The following G3BP2 variants were observed in gnomAD, a reference collection of about 807,000 sequenced individuals.
G3BP2 encodes the protein ras GTPase-activating protein-binding protein 2.
Under a neutral mutation model 56.7 loss-of-function variants are expected in G3BP2, and 11 were observed. The ratio of observed to expected loss-of-function variants is 0.19; its 90% CI spans 0.12 to 0.32. The LOEUF (loss-of-function observed/expected upper bound fraction) is 0.32. G3BP2 is among the 10% of genes least tolerant of loss of function. G3BP2 has a pLI of 1.00. For missense variants in G3BP2, 340 were observed against 610.9 expected, an observed-to-expected ratio of 0.56 and a Z score of 4.67; for synonymous variants, 165 against 191.6, an observed-to-expected ratio of 0.86 and a Z score of 1.15.
intron 1 of G3BP2, chr4:75,662,371 C>T (rs560889820): frequency 1.5e-3 from 258 of 173,602 alleles, no homozygotes; most frequent in Non-Finnish European, 6.1e-4. Flanking sequence ...TACAGGCATA[C>T]GCCACCACAC....
intron 3 of G3BP2, among the ~76,000 whole-genome samples, chr4:75,709,423 A>G (rs796508621): frequency 2.0e-5 from 3 of 146,946 alleles, no homozygotes; most frequent in African/African-American, 5.3e-5. Context: ...CCGTCTCAAA[A>G]AAAAAAAAAA....
At chr4:75,652,612 C>A (rs962474809) in intron 8 of G3BP2, among the ~76,000 whole-genome samples, 6 of 151,960 alleles carry the variant, frequency 3.9e-5, no homozygotes, top group African/African-American at 1.5e-4. Flanking sequence ...CCAGCCTGGG[C>A]GACAGAGCGA....
In G3BP2 at chr4:75,655,862, C is replaced by T. The variant is rs761910810; in HGVS notation, c.451G>A (p.Asp151Asn). 1.2e-5 allele frequency: 18 copies of T among 1,525,952 alleles called. No individual in the cohort carries two copies. The highest frequency in any genetic ancestry group is 6.7e-5 in the South Asian group (6 of 89,224). 94.5% of individuals were successfully genotyped at this position (1,525,952 alleles called of 1,614,324 possible). Reference protein sequence around the residue: ...SEPELDEESEDEVEEEQEERQ... With the variant: ...SEPELDEESENEVEEEQEERQ... ...TCTTCTTGTTCCTCTTCTACTTCATCTTCTGATTCTGAAAATACATAATAC... is the reference window on the plus strand; with the variant it reads ...TCTTCTTGTTCCTCTTCTACTTCATTTTCTGATTCTGAAAATACATAATAC... Residue 151 changes from aspartate to asparagine, a missense_variant, in exon 6 of 12, where the codon GAT becomes AAT. Coordinates refer to ENST00000359707, the MANE Select transcript of G3BP2 (RefSeq NM_203505.3).
At chr4:75,703,079 T>C (rs4859548) in intron 3 of G3BP2, among the ~76,000 whole-genome samples, 133,326 of 152,228 alleles carry the variant, frequency 0.88, 58,406 homozygotes, top group East Asian at 0.91. Context: ...ACTCAGTAAA[T>C]GCTTACTGAA....
In G3BP2 at chr4:75,720,890, A is replaced by G. The variant is rs934048520; in HGVS notation, c.-38T>C. Among the ~76,000 whole-genome samples, 4 of 141,252 alleles carry G rather than the reference A, an allele frequency of 2.8e-5. No homozygotes were observed. In the South Asian group the frequency reaches 6.9e-4, roughly 25 times the overall value. 92.7% of individuals were successfully genotyped at this position (141,252 alleles called of 152,430 possible). A position where few individuals can be genotyped will look rare whatever the true frequency, so the allele number is the denominator to read the frequency against. The stretch of plus-strand genomic sequence containing the variant: ...GTTGGCTCACACCTGCAATCCCAGT[A>G]TTTTGGGAGGCTGAGGCAGGAGAAT... On this transcript the variant is annotated 5_prime_UTR_variant, in exon 3 of 4. Coordinates refer to the G3BP2 transcript ENST00000499709.
intron 3 of G3BP2, among the ~76,000 whole-genome samples, chr4:75,702,171 A>ATTTTTTTTTTTTTTTT: frequency 9.3e-6 from 1 of 107,480 alleles, no homozygotes; most frequent in Non-Finnish European, 1.8e-5. Context: ...AAACCCCCCA[A>ATTTTTTTTTTTTTTTT]TTTTTTTTTT....
chr4:75,709,022 A>G (rs1451013181), intron 3 of G3BP2, among the ~76,000 whole-genome samples: 1 of 152,136 alleles, frequency 6.6e-6, no homozygotes, highest in East Asian at 1.9e-4. Flanking sequence ...AGGTGGGAGA[A>G]TAACCTGAGT....
intron 3 of G3BP2, among the ~76,000 whole-genome samples, chr4:75,720,022 CTT>C (rs67468716): frequency 2.1e-5 from 2 of 97,314 alleles, no homozygotes; most frequent in Non-Finnish European, 1.9e-5. Flanking sequence ...GCCCAGAACC[CTT>C]TTTTTTTTTT....
intron 3 of G3BP2, among the ~76,000 whole-genome samples, chr4:75,682,704 G>A (rs1227643740): frequency 6.6e-6 from 1 of 151,786 alleles, no homozygotes; most frequent in Non-Finnish European, 1.5e-5. Flanking sequence ...CAGCTGGGCT[G>A]GGCACGGTTG....
upstream of G3BP2, among the ~76,000 whole-genome samples, chr4:75,675,309 G>A (rs1733830998): frequency 6.6e-6 from 1 of 152,136 alleles, no homozygotes; most frequent in Non-Finnish European, 1.5e-5. Context: ...TCCTGCAGAG[G>A]TGCAGAACTT....
chr4:75,649,247 A>AG (rs1419045141), intron 8 of G3BP2: 1 of 152,466 alleles, frequency 6.6e-6, no homozygotes, highest in Non-Finnish European at 1.5e-5. Context: ...TATAGTTCAA[A>AG]GTATAAAAAT....
intron 3 of G3BP2, among the ~76,000 whole-genome samples, chr4:75,682,213 G>GA (rs1197817950): frequency 6.6e-6 from 1 of 152,026 alleles, no homozygotes. Context: ...TCAAGAGCTC[G>GA]AGACTATCCT....
intron 2 of G3BP2, among the ~76,000 whole-genome samples, chr4:75,659,492 A>C (rs1214134364): frequency 6.6e-6 from 1 of 152,224 alleles, no homozygotes; most frequent in Non-Finnish European, 1.5e-5. Context: ...ACTGTTCTTA[A>C]GTATGTGTAA....
chr4:75,711,322 GA>G (rs60433756), intron 3 of G3BP2, among the ~76,000 whole-genome samples: 2,011 of 107,370 alleles, frequency 0.019, 30 homozygotes, highest in East Asian at 0.056. Context: ...CCATCTCAAA[GA>G]AAAAAAAAAA....
upstream of G3BP2, among the ~76,000 whole-genome samples, chr4:75,674,471 CAAT>C (rs1357883014): frequency 1.3e-5 from 2 of 151,944 alleles, no homozygotes; most frequent in East Asian, 3.9e-4. Context: ...CCAAAGTCTA[CAAT>C]ATCTTTACCT....
At chr4:75,657,479 C>G (rs1194914885) in intron 4 of G3BP2, 78 bp downstream of exon 4, 1 of 1,039,752 alleles carries the variant, frequency 9.6e-7, no homozygotes, top group Non-Finnish European at 1.4e-6. Flanking sequence ...CAAATCTAAA[C>G]CTATTAGAAG....
rs1560615211 is a variant in G3BP2, at chr4:75,655,230, G to T, written c.562C>A (p.Pro188Thr). Residue 188 changes from proline (P) to threonine (T), a missense_variant, in exon 7 of 12, where the codon CCT becomes ACT. Around this residue, in one of 4 missense-constraint regions of G3BP2, gnomAD observed 224 missense variants for 332.5 expected, o/e 0.67. Transcript: ENST00000359707. ...GGTTCATGAGAGGATTCTTCCAAAGGCTCCTCTATGCCATTACTACAATAA... is the reference window on the plus strand; with the variant it reads ...GGTTCATGAGAGGATTCTTCCAAAGTCTCCTCTATGCCATTACTACAATAA... Reference protein sequence around the residue: ...AHPVTNGIEEPLEESSHEPEP... With the variant: ...AHPVTNGIEETLEESSHEPEP... 1 of 1,609,438 alleles carries T rather than the reference G, an allele frequency of 6.2e-7. No individual in the cohort carries two copies. Among genetic ancestry groups the T allele is most frequent in the Non-Finnish European group, 8.5e-7 (1 of 1,176,542 alleles).
At chr4:75,674,317 G>T (rs572651924), upstream of G3BP2, among the ~76,000 whole-genome samples, 17 of 152,156 alleles carry the variant, frequency 1.1e-4, no homozygotes, top group Non-Finnish European at 2.4e-4. Flanking sequence ...GAATGCTTAC[G>T]AACTAAACAT....
At chr4:75,655,274 T>TAAAA in intron 6 of G3BP2, 28 bp from the exon 7 acceptor site, 1 of 1,519,000 alleles carries the variant, frequency 6.6e-7, no homozygotes, top group Non-Finnish European at 9.1e-7. Context: ...GTTCACTTTT[T>TAAAA]AGTAGGAGTT....
Sources: allele counts gnomAD v4.1 joint callset (sites outside exome capture counted in the v4.1 genomes callset), GRCh38; gene constraint gnomAD v4.1.1; regional missense constraint gnomAD v4.1.1; transcripts MANE v1.5; gene names NCBI Gene and HGNC (gene_info 2026-07-23, HGNC 2026-07-21).